SETD5: variants seen among roughly 807,000 people sequenced by gnomAD.
The protein encoded by SETD5 is histone-lysine N-methyltransferase SETD5.
A neutral mutation model predicts 153.3 loss-of-function variants in SETD5; 44 were observed. The ratio of observed to expected loss-of-function variants is 0.29; its 90% CI spans 0.23 to 0.37. The LOEUF is 0.37. SETD5 is among the 10% of genes least tolerant of loss of function. The pLI is 1.00. For synonymous variants in SETD5, 716 were observed against 645.2 expected (o/e 1.11, Z -1.66); for missense variants, 1,544 against 1,768.0 (o/e 0.87, Z 2.27).
intron 1 of SETD5, among the ~76,000 whole-genome samples, chr3:9,417,423 A>G (rs143110118): frequency 6.6e-5 from 10 of 151,992 alleles, no homozygotes; most frequent in African/African-American, 2.2e-4. Context: ...TTTTGTTCCT[A>G]TGATGAAAGT....
chr3:9,445,203 A>G lies in SETD5; in HGVS notation c.1343A>G (p.Glu448Gly). The G allele has an allele frequency of 1.2e-6, 2 of 1,613,804 alleles. No individual in the cohort carries two copies. Among genetic ancestry groups the G allele is most frequent in the Non-Finnish European group, 1.7e-6 (2 of 1,179,784 alleles). Residue 448 changes from glutamate to glycine, a missense_variant, in exon 12 of 23, where the codon GAG (glutamate) becomes GGG (glycine). Transcript: ENST00000402198. The part of the protein sequence containing the change: ...ETRRRKARRK[E>G]LEMEQQNEAS... ...AGACGTAGAAAAGCACGACGGAAAG[A>G]GCTAGAGATGGAGCAGCAGAATGAG... is the stretch of plus-strand genomic sequence containing the variant.
chr3:9,473,671 A>T (rs2045569692), intron 20 of SETD5, 134 bp downstream of exon 20: 4 of 887,366 alleles, frequency 4.5e-6, no homozygotes, highest in Non-Finnish European at 6.8e-6. Flanking sequence ...CAACAGTACC[A>T]TCTGTCCTGT....
intron 17 of SETD5, among the ~76,000 whole-genome samples, chr3:9,459,676 G>A (rs1426621208): frequency 1.1e-4 from 15 of 136,012 alleles, no homozygotes; most frequent in South Asian, 2.3e-4. Flanking sequence ...CCAGCTACTC[G>A]CCACTGCACT....
At chr3:9,464,242 G>C (rs556961867) in intron 17 of SETD5, among the ~76,000 whole-genome samples, 183 bp from the exon 18 acceptor site, 1 of 152,316 alleles carries the variant, frequency 6.6e-6, no homozygotes, top group African/African-American at 2.4e-5. Flanking sequence ...TGTTTTCAGA[G>C]TTATTTTAAG....
intron 12 of SETD5, 49 bp from the exon 13 acceptor site, chr3:9,445,608 A>AT (rs1258541754): frequency 6.6e-6 from 10 of 1,516,000 alleles, no homozygotes; most frequent in Non-Finnish European, 9.1e-6. Flanking sequence ...AAACAGATTG[A>AT]TTTTTTCTCA....
At position 9,447,696 on chromosome 3, in the gene SETD5, C is replaced by G. The variant is rs1434317762; in HGVS notation, c.1793C>G (p.Ala598Gly). ...CTACTATTGCTACAGGATATTGCTG[C>G]AGAAAAACTAGTCCCCAAGCCACCT... ...RRSSQAGDIA[A>G]EKLVPKPPPA... is the part of the protein sequence containing the mutation. Residue 598 changes from alanine to glycine, a missense_variant, in exon 15 of 23, where the codon GCA (alanine) becomes GGA (glycine). Ala to Gly is a moderately conservative substitution (Grantham distance 60, BLOSUM62 0). Transcript: ENST00000402198. The G allele has an allele frequency of 6.2e-7, 1 of 1,613,710 alleles. No individual in the cohort carries two copies. The highest frequency in any genetic ancestry group is 1.7e-5 in the Admixed American group (1 of 60,004).
Position 9,397,651 on chromosome 3 carries a change from T to TGCCGCCGCCGCCGCCGCTGCC in SETD5, c.-486_-485insTGCCGCCGCCGCCGCCGCCGC, listed in dbSNP as rs2033884110. The TGCCGCCGCCGCCGCCGCTGCC allele has an allele frequency of 6.0e-6, 1 of 167,842 alleles. No homozygotes were observed. The highest frequency in any genetic ancestry group is 2.5e-5 in the African/African-American group (1 of 40,548). 10.4% of individuals were successfully genotyped at this position (167,842 alleles called of 1,614,324 possible). A position where few individuals can be genotyped will look rare whatever the true frequency, so the allele number is the denominator to read the frequency against. On this transcript the variant is annotated 5_prime_UTR_variant, in exon 1 of 23. Transcript: ENST00000402198. ...CGCTCGGGCAGCGGGCTGAGTGAGCTGCCGCCGCCGCCGCCGCCGCCGCCG... is the reference window on the plus strand; with the variant it reads ...CGCTCGGGCAGCGGGCTGAGTGAGCTGCCGCCGCCGCCGCCGCTGCCGCCGCCGCCGCCGCCGCCGCCGCCG...
At chr3:9,473,904 T>C (rs1261988713) in intron 20 of SETD5, among the ~76,000 whole-genome samples, 1 of 152,204 alleles carries the variant, frequency 6.6e-6, no homozygotes, top group Non-Finnish European at 1.5e-5. Flanking sequence ...ATGTCTCTCT[T>C]CCACACAGCT....
chr3:9,425,177 T>G (rs1436753857), intron 2 of SETD5, among the ~76,000 whole-genome samples: 1 of 150,042 alleles, frequency 6.7e-6, no homozygotes, highest in Non-Finnish European at 1.5e-5. Context: ...TTCTCTTGCC[T>G]CAGCCTCCCA....
chr3:9,468,385 A>G (rs1277168926), intron 18 of SETD5: 3 of 490,930 alleles, frequency 6.1e-6, no homozygotes, highest in South Asian at 1.9e-5. Context: ...TATTTCCCCT[A>G]TGCATTCTTA....
chr3:9,410,898 C>CT (rs1179975719), intron 1 of SETD5, among the ~76,000 whole-genome samples: 10 of 132,584 alleles, frequency 7.5e-5, no homozygotes, highest in Admixed American at 3.9e-4. Context: ...TCTTTTTTTT[C>CT]TTTTTTTTGA....
Position 9,470,826 on chromosome 3 carries a change from A to G in SETD5, c.3092A>G (p.His1031Arg). Residue 1031 changes from histidine (H) to arginine (R), a missense_variant, in exon 19 of 23, where the codon CAT becomes CGT. His to Arg is a conservative substitution (Grantham distance 29, BLOSUM62 0). Transcript: ENST00000402198. The stretch of plus-strand genomic sequence containing the variant: ...GAAGGATTTTCCAGCAGATATGAAC[A>G]TGGCTTAATGAAAGACCTCTCTCGT... ...PAEGFSSRYE[H>R]GLMKDLSRGS... 6.2e-7 allele frequency: 1 copy of G among 1,613,282 alleles called. No individual in the cohort carries two copies. The highest frequency in any genetic ancestry group is 8.5e-7 in the Non-Finnish European group (1 of 1,179,570).
Position 9,397,687 on chromosome 3 carries a change from T to TGCC in SETD5, c.-465_-463dup, listed in dbSNP as rs1398302420. 1 of 169,240 alleles carries TGCC rather than the reference T, an allele frequency of 5.9e-6. No homozygotes were observed. Among genetic ancestry groups the TGCC allele is most frequent in the Non-Finnish European group, 1.1e-5 (1 of 87,132 alleles). 10.5% of individuals were successfully genotyped at this position (169,240 alleles called of 1,614,324 possible). On this transcript the variant is annotated 5_prime_UTR_variant, in exon 1 of 23. Transcript: ENST00000402198. ...CCGCCGCCGCCGCCGCCGCCGCCGC[T>TGCC]GCCGGGGGAGGGGCGGCCGCCGCCC...
At chr3:9,425,959 CAGCT>C (rs2039131313) in intron 2 of SETD5, 1 of 152,068 alleles carries the variant, frequency 6.6e-6, no homozygotes, top group Non-Finnish European at 1.5e-5. Flanking sequence ...TCTGGTCAGA[CAGCT>C]TTGGGGCTTT....
chr3:9,409,283 AAGAT>A (rs1428589219), intron 1 of SETD5, among the ~76,000 whole-genome samples: 7 of 152,186 alleles, frequency 4.6e-5, no homozygotes, highest in South Asian at 4.1e-4. Flanking sequence ...TGGCTATACT[AAGAT>A]AGTTTATATA....
At chr3:9,441,348 A>AT in intron 8 of SETD5, among the ~76,000 whole-genome samples, 1 of 151,212 alleles carries the variant, frequency 6.6e-6, no homozygotes. Flanking sequence ...AGTCTTAATC[A>AT]TGTATTTTTT....
At position 9,440,599 on chromosome 3, in the gene SETD5, A is replaced by G. The variant is rs2041153446; in HGVS notation, c.711A>G (p.Leu237=). 7 of 1,613,868 alleles carry G rather than the reference A, an allele frequency of 4.3e-6. No individual in the cohort carries two copies. The highest frequency in any genetic ancestry group is 1.1e-5 in the South Asian group (1 of 91,090). ...TACAGAACGCGCTTGAACAACACCT[A>G]CATTCTAGCAAGGAATTTGTGGGCA... is the stretch of plus-strand genomic sequence containing the variant. ...ADVQNALEQH[L]HSSKEFVGKP... The change falls in exon 8 of 23, where the codon CTA becomes CTG. Residue 237 remains leucine, a synonymous_variant. Transcript: ENST00000402198.
At chr3:9,401,831 G>A (rs1448100171) in intron 1 of SETD5, among the ~76,000 whole-genome samples, 2 of 152,214 alleles carry the variant, frequency 1.3e-5, no homozygotes, top group Non-Finnish European at 2.9e-5. Flanking sequence ...TGTATTTCAA[G>A]TGTTGAAAAC....
intron 10 of SETD5, 60 bp from the exon 11 acceptor site, chr3:9,443,248 C>A: frequency 8.2e-7 from 1 of 1,214,524 alleles, no homozygotes; most frequent in Non-Finnish European, 1.2e-6. Flanking sequence ...TGGTTTTTTT[C>A]TCTCTTACGG....
Sources: gnomAD v4.1 joint callset for allele counts (sites outside exome capture counted in the v4.1 genomes callset) on GRCh38, gnomAD v4.1.1 for gene constraint, MANE v1.5 for transcripts, NCBI Gene and HGNC (gene_info 2026-07-23, HGNC 2026-07-21) for gene names.